EXOC6B: variants seen among roughly 807,000 people sequenced by gnomAD.
EXOC6B encodes SEC15 homolog B.
Under a neutral mutation model 113.5 loss-of-function variants are expected in EXOC6B, and 54 were observed. The ratio of observed to expected loss-of-function variants is 0.48; its 90% CI spans 0.38 to 0.60. The LOEUF (loss-of-function observed/expected upper bound fraction) is 0.60, where lower values mean the gene tolerates loss of function less well. Among genes scored for constraint, EXOC6B ranks in the 20% least tolerant of loss-of-function variants. The probability of loss-of-function intolerance (pLI) is 0.00; values close to 1 mark genes in which losing one functional copy is unlikely to be tolerated. For synonymous variants in EXOC6B, 357 were observed against 339.0 expected (o/e 1.05, Z -0.58); for missense variants, 797 against 977.5 (o/e 0.82, Z 2.46).
chr2:72,611,312 C>T (rs1435208221), intron 6 of EXOC6B, among the ~76,000 whole-genome samples: 1 of 151,438 alleles, frequency 6.6e-6, no homozygotes, highest in Non-Finnish European at 1.5e-5. Flanking sequence ...GAGCCGAGAT[C>T]GTGCCACTGC....
At chr2:72,296,577 T>G (rs1047823449) in intron 20 of EXOC6B, among the ~76,000 whole-genome samples, 1 of 152,184 alleles carries the variant, frequency 6.6e-6, no homozygotes, top group African/African-American at 2.4e-5. Context: ...TCCTAAAAAG[T>G]GTTCCAGGTG....
intron 20 of EXOC6B, among the ~76,000 whole-genome samples, chr2:72,209,243 A>AAAAGAAAAG (rs1680029291): frequency 9.0e-6 from 1 of 110,592 alleles, no homozygotes; most frequent in African/African-American, 3.6e-5. Flanking sequence ...AAAAAAAAAA[A>AAAAGAAAAG]AAAAGAAAAG....
At chr2:72,415,013 A>C (rs1694435908) in intron 18 of EXOC6B, among the ~76,000 whole-genome samples, 1 of 152,182 alleles carries the variant, frequency 6.6e-6, no homozygotes, top group South Asian at 2.1e-4. Context: ...TTAAGTTGAT[A>C]GTAAGTACTC....
intron 20 of EXOC6B, among the ~76,000 whole-genome samples, chr2:72,253,907 T>C (rs1683180674): frequency 6.6e-6 from 1 of 152,150 alleles, no homozygotes; most frequent in Non-Finnish European, 1.5e-5. Flanking sequence ...ACGCCTGTAA[T>C]CCCAGCACTT....
At chr2:72,491,666 G>C (rs1699752490) in intron 16 of EXOC6B, among the ~76,000 whole-genome samples, 1 of 151,972 alleles carries the variant, frequency 6.6e-6, no homozygotes, top group Admixed American at 6.6e-5. Flanking sequence ...CACACCAATA[G>C]ACCAAATCTC....
intron 18 of EXOC6B, among the ~76,000 whole-genome samples, chr2:72,407,921 A>G (rs1047736422): frequency 6.6e-6 from 1 of 152,192 alleles, no homozygotes; most frequent in Admixed American, 6.5e-5. Flanking sequence ...GAGGAAGTCA[A>G]ATTGTCCCTG....
intron 20 of EXOC6B, among the ~76,000 whole-genome samples, chr2:72,295,640 T>C (rs13409513): frequency 0.14 from 21,718 of 152,098 alleles, 2,005 homozygotes; most frequent in African/African-American, 0.26. Flanking sequence ...ACTAAGACAG[T>C]AAGAAGTGGA....
In EXOC6B at chr2:72,677,378, A is replaced by T. The variant is rs1006759484; in HGVS notation, c.669+40725T>A. ...AAACCCTATCTTTATTTTTATATTT[A>T]AAAAAAAACAAAAAAAGGAAAAAGG... On this transcript the variant is annotated intron_variant, in intron 6 of 21. Coordinates refer to ENST00000272427, the MANE Select transcript of EXOC6B (RefSeq NM_015189.3). Among the ~76,000 whole-genome samples, 215 of 151,054 alleles carry T rather than the reference A, an allele frequency of 1.4e-3. 1 individual carries two copies. The highest frequency in any genetic ancestry group is 1.5e-3 in the Admixed American group (23 of 15,150).
At chr2:72,624,056 C>G (rs1671903950) in intron 6 of EXOC6B, among the ~76,000 whole-genome samples, 1 of 152,152 alleles carries the variant, frequency 6.6e-6, no homozygotes. Flanking sequence ...TGTTTTTAGT[C>G]CTCTGAAATG....
chr2:72,657,203 T>G (rs1391695503), intron 6 of EXOC6B, among the ~76,000 whole-genome samples: 1 of 150,402 alleles, frequency 6.6e-6, no homozygotes, highest in African/African-American at 2.4e-5. Flanking sequence ...TATTGACTAC[T>G]TAACCATATT....
At chr2:72,431,512 T>TCTATCTATCTAC (rs2105299179) in intron 18 of EXOC6B, among the ~76,000 whole-genome samples, 1 of 151,500 alleles carries the variant, frequency 6.6e-6, no homozygotes, top group South Asian at 2.1e-4. Context: ...TATCTATCTA[T>TCTATCTATCTAC]CTATCTATCT....
chr2:72,650,561 T>C (rs560544320), intron 6 of EXOC6B, among the ~76,000 whole-genome samples: 2 of 148,026 alleles, frequency 1.4e-5, no homozygotes, highest in South Asian at 4.3e-4. Flanking sequence ...GCCACTGCAC[T>C]CCAGCCTGGG....
intron 18 of EXOC6B, chr2:72,463,035 T>C (rs2105408568): frequency 6.6e-6 from 1 of 152,230 alleles, no homozygotes; most frequent in East Asian, 1.9e-4. Flanking sequence ...CTTTCTAGAA[T>C]ACATCAAGAA....
chr2:72,442,641 T>C (rs2105334961), intron 18 of EXOC6B, among the ~76,000 whole-genome samples: 1 of 152,092 alleles, frequency 6.6e-6, no homozygotes. Flanking sequence ...CCATTCACAG[T>C]TGAAACAAAA....
intron 6 of EXOC6B, among the ~76,000 whole-genome samples, chr2:72,671,697 AAAAAAG>A (rs1000556585): frequency 2.6e-5 from 4 of 151,398 alleles, no homozygotes; most frequent in African/African-American, 7.3e-5. Flanking sequence ...AAACTCCGTC[AAAAAAG>A]AAAAAGAAAA....
chr2:72,327,181 A>G (rs1340266184), intron 20 of EXOC6B, among the ~76,000 whole-genome samples: 1 of 152,060 alleles, frequency 6.6e-6, no homozygotes, highest in Non-Finnish European at 1.5e-5. Flanking sequence ...AAAGAGGTCC[A>G]GAAGTTACCT....
chr2:72,793,482 GAGA>G (rs1684789038), intron 1 of EXOC6B, among the ~76,000 whole-genome samples: 1 of 152,154 alleles, frequency 6.6e-6, no homozygotes. Context: ...CTTGAGAGCA[GAGA>G]AGAACTACCA....
intron 8 of EXOC6B, among the ~76,000 whole-genome samples, chr2:72,554,275 A>T (rs903329264): frequency 6.6e-6 from 1 of 152,190 alleles, no homozygotes; most frequent in African/African-American, 2.4e-5. Flanking sequence ...CTGCACTCAG[A>T]TCCGCTGCAG....
At chr2:72,268,572 T>C (rs1254128661) in intron 20 of EXOC6B, among the ~76,000 whole-genome samples, 1 of 152,170 alleles carries the variant, frequency 6.6e-6, no homozygotes, top group Non-Finnish European at 1.5e-5. Context: ...TACTAATTGA[T>C]ATCGTTTGGA....
Sources: allele counts gnomAD v4.1 joint callset (sites outside exome capture counted in the v4.1 genomes callset), GRCh38; gene constraint gnomAD v4.1.1; transcripts MANE v1.5; gene names NCBI Gene and HGNC (gene_info 2026-07-23, HGNC 2026-07-21).